Variants in RBFOX3 observed in about 807,000 individuals in gnomAD.
RBFOX3 encodes the protein RNA binding fox-1 homolog 3.
In RBFOX3, 17 loss-of-function variants were observed where a neutral mutation model predicts 48.7. The observed-to-expected ratio is 0.35, with a 90% CI of 0.24 to 0.52. The LOEUF (loss-of-function observed/expected upper bound fraction) is 0.52. Among genes scored for constraint, RBFOX3 ranks in the 20% least tolerant of loss-of-function variants. RBFOX3 has a pLI of 0.94. For missense variants in RBFOX3, 382 were observed against 497.5 expected, an observed-to-expected ratio of 0.77 and a Z score of 2.21; for synonymous variants, 212 against 209.5, an observed-to-expected ratio of 1.01 and a Z score of -0.10.
intron 3 of RBFOX3, among the ~76,000 whole-genome samples, chr17:79,269,062 G>T (rs917775153): frequency 7.9e-5 from 12 of 152,268 alleles, no homozygotes; most frequent in African/African-American, 2.9e-4. Context: ...CTGGACTGGG[G>T]TGGGCTTTAC....
intron 4 of RBFOX3, among the ~76,000 whole-genome samples, chr17:79,173,219 A>AATAAATACATACATACATACATAC (rs2049763057): frequency 6.6e-6 from 1 of 150,592 alleles, no homozygotes; most frequent in South Asian, 2.1e-4. Context: ...TAAATAAATA[A>AATAAATACATACATACATACATAC]ATACATACAT....
At chr17:79,294,665 A>ACGGACAGCGACCTG (rs781637790) in intron 3 of RBFOX3, among the ~76,000 whole-genome samples, 6 of 152,152 alleles carry the variant, frequency 3.9e-5, no homozygotes, top group Non-Finnish European at 8.8e-5. Flanking sequence ...GTTCAGCACC[A>ACGGACAGCGACCTG]CGGACAGCGA....
intron 4 of RBFOX3, among the ~76,000 whole-genome samples, chr17:79,136,684 C>T (rs2040280828): frequency 6.6e-6 from 1 of 152,184 alleles, no homozygotes; most frequent in South Asian, 2.1e-4. Context: ...ACCTGCTGAT[C>T]CTCACCCGGA....
At chr17:79,551,745 G>T (rs2091180370) in intron 1 of RBFOX3, among the ~76,000 whole-genome samples, 1 of 152,148 alleles carries the variant, frequency 6.6e-6, no homozygotes, top group Non-Finnish European at 1.5e-5. Flanking sequence ...TCTCCTCATG[G>T]TCTTGCTTCC....
chr17:79,175,065 C>T (rs2050242739), intron 4 of RBFOX3, among the ~76,000 whole-genome samples: 1 of 152,256 alleles, frequency 6.6e-6, no homozygotes, highest in Admixed American at 6.5e-5. Flanking sequence ...TCCTCCATAC[C>T]TGGCAAGTCT....
chr17:79,161,134 A>T (rs1370714383), intron 4 of RBFOX3, among the ~76,000 whole-genome samples: 1 of 152,220 alleles, frequency 6.6e-6, no homozygotes, highest in African/African-American at 2.4e-5. Context: ...GTAGCAGGAC[A>T]GAAAACAAAG....
At chr17:79,634,737 C>T in the RBFOX3 span, among the ~76,000 whole-genome samples, 8 of 152,222 alleles carry the variant, frequency 5.3e-5, no homozygotes, top group Admixed American at 1.3e-4. Flanking sequence ...ATTTCCCATC[C>T]TCATGTCCTG....
intron 14 of RBFOX3, chr17:79,092,763 C>T (rs2074207056): frequency 2.1e-6 from 1 of 466,574 alleles, no homozygotes; most frequent in Admixed American, 6.4e-5. Flanking sequence ...TTTCTTTCCC[C>T]CTATATTCCT....
At chr17:79,303,576 T>C (rs1265443293) in intron 3 of RBFOX3, among the ~76,000 whole-genome samples, 1 of 152,060 alleles carries the variant, frequency 6.6e-6, no homozygotes, top group Non-Finnish European at 1.5e-5. Context: ...CCTGAAATAA[T>C]AAGTCACATG....
At chr17:79,130,250 C>T (rs912452455) in intron 4 of RBFOX3, among the ~76,000 whole-genome samples, 2 of 152,184 alleles carry the variant, frequency 1.3e-5, no homozygotes, top group African/African-American at 2.4e-5. Flanking sequence ...GTCCCCTTCC[C>T]CCCCGACTTC....
intron 4 of RBFOX3, among the ~76,000 whole-genome samples, chr17:79,128,349 G>A (rs910481354): frequency 5.3e-5 from 8 of 152,192 alleles, no homozygotes; most frequent in Admixed American, 1.3e-4. Flanking sequence ...CATCGTGAGC[G>A]TTTTCTACGA....
At chr17:79,555,499 GTGGTGGTGGTGA>G (rs1490205524) in intron 1 of RBFOX3, among the ~76,000 whole-genome samples, 34 of 142,988 alleles carry the variant, frequency 2.4e-4, no homozygotes, top group Non-Finnish European at 3.3e-4. Context: ...GACAGTGGTG[GTGGTGGTGGTGA>G]TGGTGGTGGT....
chr17:79,112,836 A>C (rs867338627), intron 5 of RBFOX3, among the ~76,000 whole-genome samples: 68 of 136,796 alleles, frequency 5.0e-4, no homozygotes, highest in African/African-American at 1.7e-3. Flanking sequence ...TCTGGGTGGC[A>C]TCTGGGTCCA....
rs902517254 is a variant in RBFOX3, at chr17:79,204,302, C to T, written c.-34+31464G>A. 2.6e-5 allele frequency among the ~76,000 whole-genome samples: 4 copies of T among 151,814 alleles called. No homozygotes were observed. Among genetic ancestry groups the T allele is most frequent in the African/African-American group, 7.3e-5 (3 of 41,286 alleles). On this transcript the variant is annotated intron_variant, in intron 4 of 14. Transcript: ENST00000693108. The surrounding 1 kb of genome is among the most constrained non-coding windows in gnomAD (Gnocchi z 4.5). ...CGGGGAGCGGACACACACCAGCGGG[C>T]GCCGGGGAGCGGGTACACACCAGCG... is the stretch of plus-strand genomic sequence containing the variant.
chr17:79,228,235 C>T (rs1333202573), intron 4 of RBFOX3, among the ~76,000 whole-genome samples: 1 of 152,194 alleles, frequency 6.6e-6, no homozygotes, highest in East Asian at 1.9e-4. Context: ...TTCCCTCCGG[C>T]CTGTGCCTTG....
Position 79,254,092 on chromosome 17 carries a change from G to A in RBFOX3, c.-73-18287C>T, listed in dbSNP as rs1420367644. Among the ~76,000 whole-genome samples the A allele has an allele frequency of 6.6e-6, 1 of 152,214 alleles. No homozygotes were observed. The highest frequency in any genetic ancestry group is 2.4e-5 in the African/African-American group (1 of 41,458). Reference sequence around the variant, plus strand: ...CCTCCATGGTGCAAATGAAGTCACTGCAATGCCCAGGTCCTGGGCAGGGAG... The same window carrying A: ...CCTCCATGGTGCAAATGAAGTCACTACAATGCCCAGGTCCTGGGCAGGGAG... On this transcript the variant is annotated intron_variant, in intron 3 of 14. Transcript: ENST00000693108. This position sits in a 1 kb window ranked among gnomAD's most constrained non-coding sequence, Gnocchi z 4.8.
At position 79,401,376 on chromosome 17, in the gene RBFOX3, TAAG is replaced by T. The variant is rs140973949; in HGVS notation, c.-175+81075_-175+81077del. ...CAAGCCAAATGGGAAGACAAAAAAATAAGAAGAGCCAGTGAGCCCCCCAAAACG... is the reference window on the plus strand; with the variant it reads ...CAAGCCAAATGGGAAGACAAAAAAATAAGAGCCAGTGAGCCCCCCAAAACG... On this transcript the variant is annotated intron_variant, in intron 2 of 14. Transcript: ENST00000693108. 5.8e-3 allele frequency among the ~76,000 whole-genome samples: 879 copies of T among 152,084 alleles called. 10 individuals carry two copies. Among genetic ancestry groups the T allele is most frequent in the African/African-American group, 0.02 (815 of 41,488 alleles).
chr17:79,218,714 G>A (rs577798073), intron 4 of RBFOX3, among the ~76,000 whole-genome samples: 2 of 152,322 alleles, frequency 1.3e-5, no homozygotes, highest in South Asian at 4.1e-4. Context: ...TGCAGGCTCA[G>A]GGAATGTCTT....
At chr17:79,172,173 CAAAAAAA>C (rs977301314) in intron 4 of RBFOX3, among the ~76,000 whole-genome samples, 18 of 52,480 alleles carry the variant, frequency 3.4e-4, no homozygotes, top group African/African-American at 9.8e-4. Flanking sequence ...GAGTCCGTCT[CAAAAAAA>C]AAAAAAAAAA....
Sources: allele counts gnomAD v4.1 joint callset (sites outside exome capture counted in the v4.1 genomes callset), GRCh38; gene constraint gnomAD v4.1.1; non-coding constraint Gnocchi (gnomAD v3.1); transcripts MANE v1.5; gene names NCBI Gene and HGNC (gene_info 2026-07-23, HGNC 2026-07-21).